GLRX3: variants seen among roughly 807,000 people sequenced by gnomAD.
GLRX3 encodes glutaredoxin 3, also known as glutaredoxin-3.
A neutral mutation model predicts 49.5 loss-of-function variants in GLRX3; 22 were observed. The observed-to-expected ratio is 0.44, with a 90% CI of 0.32 to 0.63. The LOEUF is 0.63. Among genes scored for constraint, GLRX3 ranks in the 30% least tolerant of loss-of-function variants. The probability of loss-of-function intolerance (pLI) is 0.05; values close to 1 mark genes in which losing one functional copy is unlikely to be tolerated. For synonymous variants in GLRX3, 133 were observed against 140.0 expected (o/e 0.95, Z 0.35); for missense variants, 385 against 396.3 (o/e 0.97, Z 0.24).
chr10:130,139,180 G>C (rs1862126084), intron 1 of GLRX3, among the ~76,000 whole-genome samples: 1 of 151,786 alleles, frequency 6.6e-6, no homozygotes, highest in Admixed American at 6.6e-5. Context: ...TTAAATGTAA[G>C]TACCATTTGG....
intron 2 of GLRX3, among the ~76,000 whole-genome samples, chr10:130,146,985 C>T (rs1400749586): frequency 1.3e-5 from 2 of 152,202 alleles, no homozygotes; most frequent in African/African-American, 4.8e-5. Flanking sequence ...CACCCCGTTC[C>T]TCTGTTGTCA....
At chr10:130,175,610 T>G (rs1016638709) in intron 10 of GLRX3, among the ~76,000 whole-genome samples, 2 of 152,258 alleles carry the variant, frequency 1.3e-5, no homozygotes, top group Non-Finnish European at 2.9e-5. Flanking sequence ...TTCTTATGTA[T>G]CTTGAGTCCT....
chr10:130,160,208 C>G, intron 3 of GLRX3, 139 bp downstream of exon 3: 1 of 616,536 alleles, frequency 1.6e-6, no homozygotes, highest in Non-Finnish European at 2.9e-6. Flanking sequence ...TTCTGATAGT[C>G]TCATTTTTGC....
chr10:130,163,849 C>A (rs1484283484), intron 4 of GLRX3, among the ~76,000 whole-genome samples: 1 of 152,202 alleles, frequency 6.6e-6, no homozygotes, highest in Non-Finnish European at 1.5e-5. Flanking sequence ...CTGGCCATCT[C>A]ATCTTGTGAA....
At chr10:130,161,072 C>G (rs1350993112) in intron 4 of GLRX3, 75 bp downstream of exon 4, 2 of 978,930 alleles carry the variant, frequency 2.0e-6, no homozygotes, top group Non-Finnish European at 3.3e-6. Context: ...AGATGGGCAT[C>G]CTGTTTCCAA....
chr10:130,166,959 A>C lies in GLRX3; in HGVS notation c.692A>C (p.Lys231Thr). The change falls in exon 6 of 11, where the codon AAA (lysine) becomes ACA (threonine). Residue 231 changes from lysine to threonine, a missense_variant. Transcript: ENST00000331244. The stretch of plus-strand genomic sequence containing the variant: ...GAAGAACTAGATACAATTTGTCCCA[A>C]AGCTCCCAAATTAGAGGAAAGGTAA... ...ASEELDTICP[K>T]APKLEERLKV... 6.3e-7 allele frequency: 1 copy of C among 1,592,006 alleles called. No homozygotes were observed. The highest frequency in any genetic ancestry group is 1.3e-5 in the African/African-American group (1 of 74,240).
chr10:130,160,127 A>G (rs1862545305), intron 3 of GLRX3, 58 bp downstream of exon 3: 2 of 1,020,570 alleles, frequency 2.0e-6, no homozygotes, highest in African/African-American at 1.6e-5. Flanking sequence ...GGGGCTACCT[A>G]TTTTGTTTCT....
At chr10:130,152,778 C>T (rs1342729350) in intron 2 of GLRX3, among the ~76,000 whole-genome samples, 1 of 123,082 alleles carries the variant, frequency 8.1e-6, no homozygotes, top group African/African-American at 3.1e-5. Context: ...AGTTATATGT[C>T]TTGGGGTCGC....
At chr10:130,175,708 G>A (rs932231481) in intron 10 of GLRX3, among the ~76,000 whole-genome samples, 4 of 152,196 alleles carry the variant, frequency 2.6e-5, no homozygotes, top group Admixed American at 1.3e-4. Context: ...TTAAATGGAC[G>A]TTACTTTGCA....
chr10:130,146,448 A>G (rs1261600732), intron 2 of GLRX3, among the ~76,000 whole-genome samples: 3 of 151,880 alleles, frequency 2.0e-5, no homozygotes, highest in Admixed American at 6.6e-5. Flanking sequence ...TTTGTTTTTC[A>G]CTCTGGTTAT....
chr10:130,140,338 CT>C (rs1862149985), intron 1 of GLRX3, among the ~76,000 whole-genome samples: 1 of 152,190 alleles, frequency 6.6e-6, no homozygotes, highest in Non-Finnish European at 1.5e-5. Flanking sequence ...GCATATGGGG[CT>C]ATCCATTAAG....
intron 1 of GLRX3, among the ~76,000 whole-genome samples, chr10:130,140,116 T>A (rs562964986): frequency 6.6e-6 from 1 of 152,350 alleles, no homozygotes; most frequent in South Asian, 2.1e-4. Flanking sequence ...GGGTTATTAA[T>A]ATCCATTTGC....
At chr10:130,156,182 C>T (rs1378803461) in intron 2 of GLRX3, among the ~76,000 whole-genome samples, 1 of 152,228 alleles carries the variant, frequency 6.6e-6, no homozygotes, top group Non-Finnish European at 1.5e-5. Context: ...AAGATCAAAG[C>T]ACCAGCAGAT....
chr10:130,174,039 C>T (rs1405286025), intron 8 of GLRX3, among the ~76,000 whole-genome samples: 3 of 152,244 alleles, frequency 2.0e-5, no homozygotes, highest in African/African-American at 7.2e-5. Context: ...TAATACCTGA[C>T]CACCTAACGG....
chr10:130,143,854 C>T (rs544408426), intron 1 of GLRX3, among the ~76,000 whole-genome samples: 7 of 152,184 alleles, frequency 4.6e-5, no homozygotes, highest in South Asian at 2.1e-4. Context: ...TGCACCAACA[C>T]ACCCGGCTAA....
intron 1 of GLRX3, among the ~76,000 whole-genome samples, chr10:130,139,165 A>G (rs571620486): frequency 1.3e-5 from 2 of 151,872 alleles, no homozygotes; most frequent in African/African-American, 4.8e-5. Flanking sequence ...AAAATGGATA[A>G]AAGTTTAAAT....
At chr10:130,143,518 A>G (rs563372424) in intron 1 of GLRX3, among the ~76,000 whole-genome samples, 8 of 152,154 alleles carry the variant, frequency 5.3e-5, no homozygotes, top group African/African-American at 1.9e-4. Context: ...CTGTGTGTTC[A>G]TACTATAAAT....
chr10:130,152,481 G>A (rs1368321198), intron 2 of GLRX3, among the ~76,000 whole-genome samples: 1 of 152,216 alleles, frequency 6.6e-6, no homozygotes, highest in Non-Finnish European at 1.5e-5. Context: ...TCCTTCAGGA[G>A]CTCTTGTAAG....
At chr10:130,175,225 A>G in intron 10 of GLRX3, 136 bp downstream of exon 10, 1 of 658,814 alleles carries the variant, frequency 1.5e-6, no homozygotes. Context: ...TTTCTAGACC[A>G]GTATCACCGT....
Sources: allele counts gnomAD v4.1 joint callset (sites outside exome capture counted in the v4.1 genomes callset), GRCh38; gene constraint gnomAD v4.1.1; transcripts MANE v1.5; gene names NCBI Gene and HGNC (gene_info 2026-07-23, HGNC 2026-07-21).